Variants in SLC20A2 observed in about 807,000 individuals in gnomAD.
SLC20A2 encodes solute carrier family 20 member 2, also known as sodium-dependent phosphate transporter 2.
SLC20A2 carries 30 observed loss-of-function variants against 61.0 expected under a neutral mutation model. The observed-to-expected ratio is 0.49, with a 90% CI of 0.37 to 0.67. The LOEUF (loss-of-function observed/expected upper bound fraction) is 0.67. Among genes scored for constraint, SLC20A2 ranks in the 30% least tolerant of loss-of-function variants. The pLI, the probability that SLC20A2 is intolerant of heterozygous loss-of-function variation, is 0.00. For missense variants in SLC20A2, 626 were observed against 866.4 expected (o/e 0.72, Z 3.48); for synonymous variants, 351 against 353.3 (o/e 0.99, Z 0.07).
chr8:42,477,881 T>C (rs1051842167), intron 1 of SLC20A2, among the ~76,000 whole-genome samples: 23 of 151,716 alleles, frequency 1.5e-4, no homozygotes, highest in African/African-American at 5.6e-4. Flanking sequence ...TTTGGAAAAC[T>C]ATTGGCAATT....
intron 3 of SLC20A2, among the ~76,000 whole-genome samples, chr8:42,465,430 A>G (rs1346335814): frequency 6.6e-6 from 1 of 151,792 alleles, no homozygotes; most frequent in African/African-American, 2.4e-5. Flanking sequence ...ACGGTGGCTC[A>G]CGCCTATAAT....
chr8:42,536,497 C>T (rs940659638), intron 1 of SLC20A2: 4 of 152,228 alleles, frequency 2.6e-5, no homozygotes, highest in African/African-American at 9.7e-5. Context: ...GATTCAGTGA[C>T]TGTTGATGCC....
chr8:42,480,558 C>T (rs1481485529), intron 1 of SLC20A2: 1 of 152,196 alleles, frequency 6.6e-6, no homozygotes, highest in African/African-American at 2.4e-5. Context: ...CTTTATTTAT[C>T]TTTTTCACTG....
intron 1 of SLC20A2, among the ~76,000 whole-genome samples, chr8:42,540,062 C>G (rs1370690646): frequency 6.6e-6 from 1 of 152,132 alleles, no homozygotes; most frequent in Non-Finnish European, 1.5e-5. Flanking sequence ...GAGGCCGAGG[C>G]GGGCGGAACA....
chr8:42,442,538 A>C (rs1804864578), intron 6 of SLC20A2, among the ~76,000 whole-genome samples: 1 of 152,188 alleles, frequency 6.6e-6, no homozygotes, highest in South Asian at 2.1e-4. Flanking sequence ...GTCTATTTCT[A>C]GACTCTATTC....
intron 1 of SLC20A2, among the ~76,000 whole-genome samples, chr8:42,525,612 A>C (rs940523644): frequency 6.6e-6 from 1 of 151,422 alleles, no homozygotes; most frequent in African/African-American, 2.4e-5. Context: ...AAAAGAAAGT[A>C]AAATGGGCAG....
chr8:42,505,179 G>A (rs894682631), upstream of SLC20A2, among the ~76,000 whole-genome samples: 1 of 151,256 alleles, frequency 6.6e-6, no homozygotes, highest in Admixed American at 6.6e-5. Context: ...CACAATCTTG[G>A]TTCACTGCAA....
intron 1 of SLC20A2, among the ~76,000 whole-genome samples, chr8:42,473,530 C>G (rs1008005764): frequency 1.4e-4 from 21 of 152,154 alleles, no homozygotes; most frequent in African/African-American, 4.8e-4. Context: ...CATTCAGGTC[C>G]CTGCTCAAAT....
chr8:42,478,172 C>T (rs1808280866), intron 1 of SLC20A2, among the ~76,000 whole-genome samples: 1 of 151,714 alleles, frequency 6.6e-6, no homozygotes, highest in African/African-American at 2.4e-5. Context: ...GTGTGAGCCA[C>T]CATCCCTGGC....
intron 10 of SLC20A2, among the ~76,000 whole-genome samples, chr8:42,421,696 C>A (rs911916278): frequency 9.2e-5 from 14 of 152,084 alleles, no homozygotes; most frequent in African/African-American, 3.1e-4. Flanking sequence ...CCCAGCTACT[C>A]GGGAGGCTGA....
Position 42,444,772 on chromosome 8 carries a change from A to C in SLC20A2, c.614-10T>G. 2 of 1,604,790 alleles carry C rather than the reference A, an allele frequency of 1.2e-6. No homozygotes were observed. Among genetic ancestry groups the C allele is most frequent in the Non-Finnish European group, 1.7e-6 (2 of 1,171,906 alleles). Reference sequence around the variant, plus strand: ...AGAACAAGGCCGAGCACTGGGAAGGAAAATGAGAAGCAGTGTCATTACTGG... The same window carrying C: ...AGAACAAGGCCGAGCACTGGGAAGGCAAATGAGAAGCAGTGTCATTACTGG... On this transcript the variant is annotated splice_polypyrimidine_tract_variant and intron_variant, in intron 5 of 10. Coordinates refer to ENST00000520262, the MANE Select transcript of SLC20A2 (RefSeq NM_001257180.2).
intron 6 of SLC20A2, among the ~76,000 whole-genome samples, chr8:42,441,142 CTTTTTT>C (rs112150338): frequency 8.0e-6 from 1 of 125,594 alleles, no homozygotes; most frequent in Non-Finnish European, 1.7e-5. Context: ...ATATTTTGCT[CTTTTTT>C]TTTTTTTTTT....
intron 1 of SLC20A2, among the ~76,000 whole-genome samples, chr8:42,509,574 A>T (rs1187550172): frequency 6.8e-6 from 1 of 147,218 alleles, no homozygotes; most frequent in Non-Finnish European, 1.5e-5. Context: ...CTCTAAAAAT[A>T]AAAAAAAAAT....
At chr8:42,484,912 C>G in intron 1 of SLC20A2, 1 of 414,304 alleles carries the variant, frequency 2.4e-6, no homozygotes, top group Non-Finnish European at 4.8e-6. Flanking sequence ...CCTGAGACAG[C>G]AGCAGCACAA....
intron 1 of SLC20A2, among the ~76,000 whole-genome samples, chr8:42,518,426 A>C (rs1012700657): frequency 6.6e-6 from 1 of 152,218 alleles, no homozygotes; most frequent in Non-Finnish European, 1.5e-5. Flanking sequence ...ACCTGGAGGC[A>C]TATCTATGAT....
intron 1 of SLC20A2, among the ~76,000 whole-genome samples, chr8:42,473,498 C>A (rs1426276366): frequency 6.6e-6 from 1 of 152,196 alleles, no homozygotes; most frequent in African/African-American, 2.4e-5. Flanking sequence ...TCCCCCACAG[C>A]TGCACAGCTC....
At chr8:42,540,244 A>G (rs1395650297) in intron 1 of SLC20A2, among the ~76,000 whole-genome samples, 6 of 152,378 alleles carry the variant, frequency 3.9e-5, no homozygotes, top group South Asian at 4.1e-4. Context: ...GTGAGCCAAG[A>G]CAGTGCCATT....
At chr8:42,429,272 CAAGTGAGAACTTA>C (rs1266664426) in intron 9 of SLC20A2, among the ~76,000 whole-genome samples, 1 of 152,150 alleles carries the variant, frequency 6.6e-6, no homozygotes, top group Non-Finnish European at 1.5e-5. Context: ...AAATGAATTT[CAAGTGAGAACTTA>C]AAACTAGAAA....
chr8:42,438,679 G>C (rs566282903), intron 7 of SLC20A2, among the ~76,000 whole-genome samples: 3 of 152,096 alleles, frequency 2.0e-5, no homozygotes, highest in Admixed American at 6.5e-5. Flanking sequence ...CAAACATTGA[G>C]AGTCTAAAGG....
Sources: gnomAD v4.1 joint callset for allele counts (sites outside exome capture counted in the v4.1 genomes callset) on GRCh38, gnomAD v4.1.1 for gene constraint, MANE v1.5 for transcripts, NCBI Gene and HGNC (gene_info 2026-07-23, HGNC 2026-07-21) for gene names.